Variants in VARS2 observed in about 807,000 individuals in gnomAD.
The protein encoded by VARS2 is valine--tRNA ligase, mitochondrial.
Under a neutral mutation model 154.1 loss-of-function variants are expected in VARS2, and 105 were observed. The ratio of observed to expected loss-of-function variants is 0.68; its 90% CI spans 0.58 to 0.80. The LOEUF is 0.80. VARS2 is among the 30% of genes least tolerant of loss of function. The probability of loss-of-function intolerance (pLI) is 0.00; values close to 1 mark genes in which losing one functional copy is unlikely to be tolerated. For synonymous variants in VARS2, 483 were observed against 539.5 expected, an observed-to-expected ratio of 0.90 and a Z score of 1.45; for missense variants, 1,157 against 1,361.4, an observed-to-expected ratio of 0.85 and a Z score of 2.36.
intron 23 of VARS2, 50 bp from the exon 24 acceptor site, chr6:30,923,054 C>G (rs754740387): frequency 4.4e-6 from 7 of 1,608,960 alleles, no homozygotes; most frequent in Non-Finnish European, 5.9e-6. Context: ...GGCAGGACTT[C>G]TGGTGCTGCT....
intron 5 of VARS2, 46 bp downstream of exon 5, chr6:30,915,913 G>T: frequency 6.2e-7 from 1 of 1,614,104 alleles, no homozygotes; most frequent in South Asian, 1.1e-5. Context: ...AGGGAAATAG[G>T]AAGGGCAGGA....
Position 30,914,340 on chromosome 6 carries a change from T to C in VARS2, c.-32T>C. 8.1e-7 allele frequency: 1 copy of C among 1,233,428 alleles called. No homozygotes were observed. Among genetic ancestry groups the C allele is most frequent in the South Asian group, 3.6e-5 (1 of 27,836 alleles). 76.4% of individuals were successfully genotyped at this position (1,233,428 alleles called of 1,614,324 possible). On this transcript the variant is annotated 5_prime_UTR_variant, in exon 1 of 30. Transcript: ENST00000676266. ...GGCGCCCTGGGATAGCGGCGGGGCCTCCTGGTGAGCGCGCGCCGGGGCGGC... is the reference window on the plus strand; with the variant it reads ...GGCGCCCTGGGATAGCGGCGGGGCCCCCTGGTGAGCGCGCGCCGGGGCGGC...
Position 30,920,334 on chromosome 6 carries a change from G to T in VARS2, c.1295G>T (p.Gly432Val), listed in dbSNP as rs773451628. The change falls in exon 14 of 30, where the codon GGT becomes GTT. Residue 432 changes from glycine (G) to valine (V), a missense_variant and splice_region_variant. Transcript: ENST00000676266. The surrounding 1 kb of genome is among the most constrained non-coding windows in gnomAD (Gnocchi z 4.6). ...MTSLCGDWLQ[G>V]LHRFVAREKI... The stretch of plus-strand genomic sequence containing the variant: ...TTACTCTTGCCGCTTTTTCTCCAGG[G>T]TCTTCACCGGTTTGTGGCCCGGGAA... 4.4e-6 allele frequency: 7 copies of T among 1,608,364 alleles called. No homozygotes were observed. The highest frequency in any genetic ancestry group is 4.0e-5 in the African/African-American group (3 of 74,664).
At chr6:30,922,295 C>G (rs1484873636) in intron 20 of VARS2, 54 bp downstream of exon 20, 13 of 1,595,690 alleles carry the variant, frequency 8.1e-6, no homozygotes, top group Admixed American at 1.7e-5. Flanking sequence ...TTCCCCAAAC[C>G]TTGTCCTCCC....
chr6:30,926,246 C>T lies in VARS2; in HGVS notation c.*36C>T. The T allele has an allele frequency of 6.2e-7, 1 of 1,601,750 alleles. No individual in the cohort carries two copies. Among genetic ancestry groups the T allele is most frequent in the South Asian group, 1.1e-5 (1 of 90,614 alleles). On this transcript the variant is annotated 3_prime_UTR_variant, in exon 30 of 30. Coordinates refer to ENST00000676266, the MANE Select transcript of VARS2 (RefSeq NM_020442.6). ...CCATCAGTTTTCCTCCCTCTCAGAC[C>T]TGTCTTTGAGGACAAACAGATTTGT...
In VARS2 at chr6:30,917,855, T is replaced by C; in HGVS notation, c.985+49T>C. 1 of 1,535,694 alleles carries C rather than the reference T, an allele frequency of 6.5e-7. No individual in the cohort carries two copies. The highest frequency in any genetic ancestry group is 8.8e-7 in the Non-Finnish European group (1 of 1,132,886). On this transcript the variant is annotated intron_variant, in intron 10 of 29. Transcript: ENST00000676266. The surrounding 1 kb of genome is among the most constrained non-coding windows in gnomAD (Gnocchi z 4.4). The stretch of plus-strand genomic sequence containing the variant: ...CACCCGTTTACCTCCATTTTTCCTG[T>C]TTTCTGAAGCCCATGTTGGGCTGCT...
At chr6:30,914,622 A>G (rs1386357997) in intron 1 of VARS2, 188 bp from the exon 2 acceptor site, 4 of 1,127,320 alleles carry the variant, frequency 3.5e-6, no homozygotes, top group Non-Finnish European at 4.8e-6. Context: ...GAGCCCTGAT[A>G]TCCGTGGCTC....
Position 30,922,527 on chromosome 6 carries a change from A to G in VARS2, c.2010A>G (p.Arg670=). The G allele has an allele frequency of 1.9e-6, 3 of 1,574,968 alleles. 1 individual carries two copies. Among genetic ancestry groups the G allele is most frequent in the East Asian group, 4.5e-5 (2 of 44,524 alleles). ...SKSLGNVLDP[R]DIISGVEMQV... is the part of the protein sequence containing the mutation. Reference sequence around the variant, plus strand: ...CCCTGGGGAATGTGCTGGACCCAAGAGACATCATCAGTGGGGTGGAGATGC... The same window carrying G: ...CCCTGGGGAATGTGCTGGACCCAAGGGACATCATCAGTGGGGTGGAGATGC... Residue 670 remains arginine, a synonymous_variant, in exon 21 of 30, where the codon AGA becomes AGG. Transcript: ENST00000676266.
Position 30,915,838 on chromosome 6 carries a change from G to C in VARS2, c.477G>C (p.Thr159=). The change falls in exon 5 of 30, where the codon ACG becomes ACC. Residue 159 remains threonine (T), a synonymous_variant. Coordinates refer to ENST00000676266, the MANE Select transcript of VARS2 (RefSeq NM_020442.6). Reference sequence around the variant, plus strand: ...CCCTGCACATTGGCCACGCACTCACGGTGGCCATACAGGATGCCCTCGTGC... The same window carrying C: ...CCCTGCACATTGGCCACGCACTCACCGTGGCCATACAGGATGCCCTCGTGC... ...TGSLHIGHAL[T]VAIQDALVRW... 6.2e-7 allele frequency: 1 copy of C among 1,614,058 alleles called. No homozygotes were observed. Among genetic ancestry groups the C allele is most frequent in the Non-Finnish European group, 8.5e-7 (1 of 1,180,020 alleles).
rs755926246 is a variant in VARS2 at position 30,920,403 on chromosome 6, T to A, written c.1364T>A (p.Leu455His). Residue 455 changes from leucine (L) to histidine (H), a missense_variant, in exon 14 of 30, where the codon CTC (leucine) becomes CAC (histidine). Physicochemically the swap from Leu to His is moderately conservative, Grantham distance 99. Coordinates refer to ENST00000676266, the MANE Select transcript of VARS2 (RefSeq NM_020442.6). The surrounding 1 kb of genome is among the most constrained non-coding windows in gnomAD (Gnocchi z 4.6). ...AGTGAATGGGGCCTGTTCCGGGGCC[T>A]CCAGAACCACCCCATGGTACTGCCC... Reference protein sequence around the residue: ...VLSEWGLFRGLQNHPMVLPIC... With the variant: ...VLSEWGLFRGHQNHPMVLPIC... The A allele has an allele frequency of 5.0e-6, 8 of 1,612,520 alleles. 1 individual carries two copies. The Middle Eastern group carries it at 6.6e-4, about 133-fold the overall frequency.
In VARS2 at chr6:30,916,054, C is replaced by G. The variant is rs1332297019; in HGVS notation, c.573+7C>G. 1 of 1,613,828 alleles carries G rather than the reference C, an allele frequency of 6.2e-7. No individual in the cohort carries two copies. Among genetic ancestry groups the G allele is most frequent in the African/African-American group, 1.3e-5 (1 of 74,888 alleles). On this transcript the variant is annotated splice_region_variant and intron_variant, in intron 6 of 29. Coordinates refer to ENST00000676266, the MANE Select transcript of VARS2 (RefSeq NM_020442.6). The surrounding 1 kb of genome is among the most constrained non-coding windows in gnomAD (Gnocchi z 4.0). ...TGCAGGAATTGCTACACAAGTATGT[C>G]TTTTGTTACCTGTTCCTTTTCTTGG... is the stretch of plus-strand genomic sequence containing the variant.
In VARS2 at chr6:30,916,794, C is replaced by G; in HGVS notation, c.672-84C>G. The G allele has an allele frequency of 7.3e-7, 1 of 1,373,566 alleles. No homozygotes were observed. Among genetic ancestry groups the G allele is most frequent in the Non-Finnish European group, 1.0e-6 (1 of 962,446 alleles). 85.1% of individuals were successfully genotyped at this position (1,373,566 alleles called of 1,614,324 possible). ...TCCTCACTTGATTTTCCTCCAACAC[C>G]TGGCATTGCTGGGGGCATCGCTGGG... On this transcript the variant is annotated intron_variant, in intron 7 of 29. Transcript: ENST00000676266. The surrounding 1 kb of genome is among the most constrained non-coding windows in gnomAD (Gnocchi z 4.0).
chr6:30,915,966 G>T lies in VARS2; in HGVS notation c.507-15G>T, dbSNP rs759509976. On this transcript the variant is annotated splice_polypyrimidine_tract_variant and intron_variant, in intron 5 of 29. Coordinates refer to ENST00000676266, the MANE Select transcript of VARS2 (RefSeq NM_020442.6). The stretch of plus-strand genomic sequence containing the variant: ...TTTAAGCTCAGGGGCTCACAGGAGG[G>T]CATTTTTGTTGCAGGCACCGGATGC... The T allele has an allele frequency of 6.2e-7, 1 of 1,614,034 alleles. No homozygotes were observed. Among genetic ancestry groups the T allele is most frequent in the South Asian group, 1.1e-5 (1 of 91,088 alleles).
intron 1 of VARS2, 151 bp downstream of exon 1, chr6:30,914,495 G>T: frequency 9.0e-6 from 12 of 1,328,634 alleles, no homozygotes; most frequent in Admixed American, 7.4e-5. Context: ...GCCCTGGCGG[G>T]ACTCCTTGCT....
Position 30,917,393 on chromosome 6 carries a change from C to T in VARS2, c.873+169C>T, listed in dbSNP as rs925990789. ...TAGTCTCTTTAAGCCTCAGCTTCCTCAGTCTGTAAATTAGAGATGATGGAA... is the reference window on the plus strand; with the variant it reads ...TAGTCTCTTTAAGCCTCAGCTTCCTTAGTCTGTAAATTAGAGATGATGGAA... On this transcript the variant is annotated intron_variant, in intron 9 of 29. Coordinates refer to ENST00000676266, the MANE Select transcript of VARS2 (RefSeq NM_020442.6). The surrounding 1 kb of genome is among the most constrained non-coding windows in gnomAD (Gnocchi z 4.4). 6.6e-6 allele frequency among the ~76,000 whole-genome samples: 1 copy of T among 152,218 alleles called. No homozygotes were observed. Among genetic ancestry groups the T allele is most frequent in the African/African-American group, 2.4e-5 (1 of 41,456 alleles).
Position 30,921,509 on chromosome 6 carries a change from T to C in VARS2, c.1633-80T>C. ...GGAACCTGGCCACTCTAAGACCACA[T>C]GAGGACGTGAAAACCAAGTGACATT... is the stretch of plus-strand genomic sequence containing the variant. On this transcript the variant is annotated intron_variant, in intron 17 of 29. Coordinates refer to ENST00000676266, the MANE Select transcript of VARS2 (RefSeq NM_020442.6). The surrounding 1 kb of genome is among the most constrained non-coding windows in gnomAD (Gnocchi z 4.6). The C allele has an allele frequency of 6.6e-7, 1 of 1,515,340 alleles. No individual in the cohort carries two copies. The highest frequency in any genetic ancestry group is 9.0e-7 in the Non-Finnish European group (1 of 1,113,632). 93.9% of individuals were successfully genotyped at this position (1,515,340 alleles called of 1,614,324 possible). A position where few individuals can be genotyped will look rare whatever the true frequency, so the allele number is the denominator to read the frequency against.
At chr6:30,918,522 C>T (rs1243235103) in intron 10 of VARS2, among the ~76,000 whole-genome samples, 1 of 152,232 alleles carries the variant, frequency 6.6e-6, no homozygotes, top group Non-Finnish European at 1.5e-5. Context: ...CCCCAGTGTC[C>T]TCTGGGCACC....
chr6:30,915,388 C>T lies in VARS2; in HGVS notation c.317C>T (p.Pro106Leu), dbSNP rs1351839609. 2 of 1,614,182 alleles carry T rather than the reference C, an allele frequency of 1.2e-6. No homozygotes were observed. Among genetic ancestry groups the T allele is most frequent in the Non-Finnish European group, 1.7e-6 (2 of 1,180,026 alleles). The part of the protein sequence containing the change: ...VSGPLPPAYS[P>L]RYVEAAWYPW... Reference sequence around the variant, plus strand: ...GGGCCCCTGCCTCCTGCATACAGCCCCCGATATGTTGAGGCTGCCTGGTAC... The same window carrying T: ...GGGCCCCTGCCTCCTGCATACAGCCTCCGATATGTTGAGGCTGCCTGGTAC... The change falls in exon 4 of 30, where the codon CCC becomes CTC. Residue 106 changes from proline (P) to leucine (L), a missense_variant. Transcript: ENST00000676266.
In VARS2 at chr6:30,920,654, T is replaced by G; in HGVS notation, c.1398-14T>G. On this transcript the variant is annotated splice_polypyrimidine_tract_variant and intron_variant, in intron 14 of 29. Transcript: ENST00000676266. This position sits in a 1 kb window ranked among gnomAD's most constrained non-coding sequence, Gnocchi z 4.6. The stretch of plus-strand genomic sequence containing the variant: ...GGCCGGAAGAGCAGTGGACTCACCC[T>G]GTCTCTCTTTCAGCCGTTCTGGGGA... 6.4e-7 allele frequency: 1 copy of G among 1,557,564 alleles called. No homozygotes were observed. The highest frequency in any genetic ancestry group is 8.7e-7 in the Non-Finnish European group (1 of 1,149,970).
Sources: gnomAD v4.1 joint callset for allele counts (sites outside exome capture counted in the v4.1 genomes callset) on GRCh38, gnomAD v4.1.1 for gene constraint, Gnocchi (gnomAD v3.1) non-coding constraint, MANE v1.5 for transcripts, NCBI Gene and HGNC (gene_info 2026-07-23, HGNC 2026-07-21) for gene names.